SRGAP3: variants seen among roughly 807,000 people sequenced by gnomAD.
SRGAP3 encodes SLIT-ROBO Rho GTPase-activating protein 3.
SRGAP3 carries 39 observed loss-of-function variants against 121.1 expected under a neutral mutation model. That is an observed-to-expected ratio of 0.32 (90% CI 0.25 to 0.42). The LOEUF (loss-of-function observed/expected upper bound fraction) is 0.42. Among genes scored for constraint, SRGAP3 ranks in the 10% least tolerant of loss-of-function variants. The probability of loss-of-function intolerance (pLI) is 1.00; values close to 1 mark genes in which losing one functional copy is unlikely to be tolerated. For missense variants in SRGAP3, 1,213 were observed against 1,470.6 expected, an observed-to-expected ratio of 0.82 and a Z score of 2.86; for synonymous variants, 601 against 570.0, an observed-to-expected ratio of 1.05 and a Z score of -0.77.
chr3:9,176,597 C>T (rs376198235), intron 1 of SRGAP3, among the ~76,000 whole-genome samples: 2 of 152,288 alleles, frequency 1.3e-5, no homozygotes, highest in African/African-American at 4.8e-5. Flanking sequence ...TTAATTGGCT[C>T]ATGGTTCTGC....
chr3:8,983,514 C>T lies in SRGAP3; in HGVS notation c.*2005G>A, dbSNP rs1559829036. On this transcript the variant is annotated 3_prime_UTR_variant, in exon 22 of 22. Coordinates refer to ENST00000383836, the MANE Select transcript of SRGAP3 (RefSeq NM_014850.4). ...AGGTCCCTCCCTTTGGGTGTATTTA[C>T]CTTTTCGCGGGGGACCAGAGGAGAG... 4.3e-6 allele frequency: 1 copy of T among 229,924 alleles called. No individual in the cohort carries two copies. The highest frequency in any genetic ancestry group is 6.2e-5 in the East Asian group (1 of 16,188). 14.2% of individuals were successfully genotyped at this position (229,924 alleles called of 1,614,324 possible). A position where few individuals can be genotyped will look rare whatever the true frequency, so the allele number is the denominator to read the frequency against.
intron 1 of SRGAP3, among the ~76,000 whole-genome samples, chr3:9,126,447 C>T (rs1462226266): frequency 6.6e-6 from 1 of 152,056 alleles, no homozygotes; most frequent in Non-Finnish European, 1.5e-5. Flanking sequence ...CTGGCTGACA[C>T]AGTGAAACCC....
At chr3:9,276,883 G>T (rs1037035217) in intron 3 of SRGAP3, among the ~76,000 whole-genome samples, 1 of 152,158 alleles carries the variant, frequency 6.6e-6, no homozygotes, top group African/African-American at 2.4e-5. Flanking sequence ...ATGGAGAAAG[G>T]GTCTCCCATT....
chr3:9,152,680 G>A (rs942192967), intron 1 of SRGAP3, among the ~76,000 whole-genome samples: 2 of 152,216 alleles, frequency 1.3e-5, no homozygotes, highest in Non-Finnish European at 2.9e-5. Flanking sequence ...GCCGAACTTT[G>A]TTCTCAGTCC....
intron 1 of SRGAP3, among the ~76,000 whole-genome samples, chr3:9,157,276 T>G (rs938694323): frequency 7.9e-5 from 12 of 152,052 alleles, no homozygotes; most frequent in Admixed American, 7.9e-4. Flanking sequence ...AAGGGGGATG[T>G]GCTACACTCT....
chr3:9,323,798 A>AACACACACACACACACAC (rs139013302), intron 3 of SRGAP3, among the ~76,000 whole-genome samples: 5 of 148,888 alleles, frequency 3.4e-5, no homozygotes, highest in Middle Eastern at 3.4e-3. Context: ...CTGTGTATCT[A>AACACACACACACACACAC]ACACACACAC....
At chr3:8,990,427 C>A in intron 21 of SRGAP3, 85 bp downstream of exon 21, 1 of 1,512,748 alleles carries the variant, frequency 6.6e-7, no homozygotes, top group Admixed American at 2.0e-5. Flanking sequence ...GCATAAAGGC[C>A]AAGGTGGCTC....
At chr3:9,347,346 T>C (rs771130881) in intron 1 of SRGAP3, among the ~76,000 whole-genome samples, 7 of 152,174 alleles carry the variant, frequency 4.6e-5, no homozygotes, top group Admixed American at 2.6e-4. Flanking sequence ...CATACATCTA[T>C]GTATAATTTT....
upstream of SRGAP3, among the ~76,000 whole-genome samples, chr3:9,252,843 C>A (rs1021220309): frequency 1.3e-5 from 2 of 152,186 alleles, no homozygotes; most frequent in African/African-American, 4.8e-5. Flanking sequence ...CCAGATTTGT[C>A]TCCAAATAAA....
chr3:9,201,780 G>C (rs1952074734), intron 1 of SRGAP3, among the ~76,000 whole-genome samples: 2 of 152,326 alleles, frequency 1.3e-5, no homozygotes, highest in South Asian at 4.1e-4. Flanking sequence ...CTACTGGAGG[G>C]ATGTAATTCT....
intron 1 of SRGAP3, among the ~76,000 whole-genome samples, chr3:9,358,781 A>G (rs1013170251): frequency 6.6e-6 from 1 of 152,074 alleles, no homozygotes; most frequent in Non-Finnish European, 1.5e-5. Flanking sequence ...TGTAACACAT[A>G]TTTTCTGGTT....
chr3:8,984,368 C>T lies in SRGAP3; in HGVS notation c.*1151G>A, dbSNP rs552425229. 10 of 230,554 alleles carry T rather than the reference C, an allele frequency of 4.3e-5. No homozygotes were observed. The highest frequency in any genetic ancestry group is 1.8e-4 in the South Asian group (1 of 5,498). 14.3% of individuals were successfully genotyped at this position (230,554 alleles called of 1,614,324 possible). A position where few individuals can be genotyped will look rare whatever the true frequency, so the allele number is the denominator to read the frequency against. ...ATCACAGCCTGATTTAAAATGAAAA[C>T]GATGTGACTCAAAGCCTCCTTGCCT... On this transcript the variant is annotated 3_prime_UTR_variant, in exon 22 of 22. Coordinates refer to ENST00000383836, the MANE Select transcript of SRGAP3 (RefSeq NM_014850.4).
Position 9,015,684 on chromosome 3 carries a change from C to T in SRGAP3, c.1726G>A (p.Val576Ile). The change falls in exon 15 of 22, where the codon GTC (valine) becomes ATC (isoleucine). Residue 576 changes from valine to isoleucine, a missense_variant. Val to Ile is a conservative substitution (Grantham distance 29, BLOSUM62 3). Transcript: ENST00000383836. ...DDQNERDINS[V>I]AGVLKLYFRG... is the part of the protein sequence containing the mutation. ...AAATACAGTTTTAAAACACCAGCGA[C>T]TGAATTGATATCTCGTTCATTTTGA... is the stretch of plus-strand genomic sequence containing the variant. The T allele has an allele frequency of 6.2e-7, 1 of 1,613,942 alleles. No individual in the cohort carries two copies. The highest frequency in any genetic ancestry group is 8.5e-7 in the Non-Finnish European group (1 of 1,179,974).
chr3:9,259,681 A>G (rs1366534487), intron 3 of SRGAP3, among the ~76,000 whole-genome samples: 4 of 152,202 alleles, frequency 2.6e-5, no homozygotes, highest in African/African-American at 9.6e-5. Context: ...AACATGTCTA[A>G]GAGAATATTC....
At chr3:9,127,462 GTT>G (rs1185424913) in intron 1 of SRGAP3, among the ~76,000 whole-genome samples, 1 of 152,072 alleles carries the variant, frequency 6.6e-6, no homozygotes, top group Non-Finnish European at 1.5e-5. Context: ...TTTGTTTTGT[GTT>G]TTGAGACGGA....
At chr3:9,313,633 C>T (rs1458993800) in intron 3 of SRGAP3, among the ~76,000 whole-genome samples, 1 of 150,774 alleles carries the variant, frequency 6.6e-6, no homozygotes, top group Non-Finnish European at 1.5e-5. Context: ...GCCAAGATTG[C>T]ACCACTGCAC....
At chr3:9,066,875 T>C (rs1442191555) in intron 4 of SRGAP3, among the ~76,000 whole-genome samples, 2 of 152,196 alleles carry the variant, frequency 1.3e-5, no homozygotes, top group African/African-American at 4.8e-5. Flanking sequence ...CAGGAGTCAA[T>C]GTGGCAACAT....
chr3:9,256,485 G>A (rs965583875), intron 3 of SRGAP3, among the ~76,000 whole-genome samples: 1 of 152,000 alleles, frequency 6.6e-6, no homozygotes, highest in African/African-American at 2.4e-5. Flanking sequence ...CTGGCCCTGT[G>A]GATATGCACC....
rs568274252 is a variant in SRGAP3, at chr3:9,209,492, C to A, written c.67+39393G>T. Among the ~76,000 whole-genome samples the A allele has an allele frequency of 4.5e-4, 68 of 152,272 alleles. 1 individual carries two copies. The highest frequency in any genetic ancestry group is 1.5e-3 in the African/African-American group (63 of 41,548). ...CACTTATGAGATTAGACTATTAATT[C>A]CGGCCCATATTGACAAGTGTGTGAG... On this transcript the variant is annotated intron_variant, in intron 1 of 21. Transcript: ENST00000383836.
Sources: allele counts gnomAD v4.1 joint callset (sites outside exome capture counted in the v4.1 genomes callset), GRCh38; gene constraint gnomAD v4.1.1; transcripts MANE v1.5; gene names NCBI Gene and HGNC (gene_info 2026-07-23, HGNC 2026-07-21).